Variants in TEX11 observed in about 807,000 individuals in gnomAD.
TEX11 encodes the protein testis expressed 11.
Under a neutral mutation model 84.4 loss-of-function variants are expected in TEX11, and 7 were observed. The observed-to-expected ratio is 0.08, with a 90% CI of 0.05 to 0.16. TEX11 has a LOEUF of 0.16. TEX11 is among the 10% of genes least tolerant of loss of function. The pLI is 1.00. For missense variants in TEX11, 551 were observed against 660.5 expected (o/e 0.83, Z 1.82); for synonymous variants, 264 against 222.8 (o/e 1.18, Z -1.64).
At chrX:70,739,304 G>A (rs189436806) in intron 11 of TEX11, among the ~76,000 whole-genome samples, 6 of 110,219 alleles carry the variant, frequency 5.4e-5, no homozygotes, top group African/African-American at 1.6e-4. Context: ...TCATTTTCAT[G>A]CTTCCACTCT....
At chrX:70,719,135 G>A (rs1053464617) in intron 13 of TEX11, among the ~76,000 whole-genome samples, 1 of 111,657 alleles carries the variant, frequency 9.0e-6, no homozygotes. Context: ...CAATAATCTC[G>A]GTTGAGGCCA....
At chrX:70,726,993 C>A (rs958980900) in intron 11 of TEX11, among the ~76,000 whole-genome samples, 2 of 111,427 alleles carry the variant, frequency 1.8e-5, no homozygotes, top group Admixed American at 9.6e-5. Flanking sequence ...ACTACCATGC[C>A]TGGCTCCCTT....
chrX:70,535,763 A>T (rs927797408), intron 28 of TEX11, among the ~76,000 whole-genome samples: 3 of 109,344 alleles, frequency 2.7e-5, no homozygotes, highest in African/African-American at 1.0e-4. Flanking sequence ...AAAACCCACA[A>T]AACTTATGGG....
At chrX:70,623,218 GT>G (rs1301719551) in intron 20 of TEX11, among the ~76,000 whole-genome samples, 1 of 111,892 alleles carries the variant, frequency 8.9e-6, no homozygotes, top group East Asian at 2.8e-4. Context: ...CTATTACAGA[GT>G]TCTTGTCTAA....
chrX:70,553,319 T>G lies in TEX11; in HGVS notation c.2386A>C (p.Ile796Leu), dbSNP rs781735348. Reference protein sequence around the residue: ...LLYKKEEPIDISQYSKCMHNL... With the variant: ...LLYKKEEPIDLSQYSKCMHNL... ...GTATTTACTAACCTGTATTGTGATA[T>G]ATCAATTGGTTCTTCCTTTTTGTAG... is the stretch of plus-strand genomic sequence containing the variant. The change falls in exon 27 of 30, where the codon ATA becomes CTA. Residue 796 changes from isoleucine (I) to leucine (L), a missense_variant. Physicochemically the swap from Ile to Leu is conservative, Grantham distance 5. Coordinates refer to ENST00000374333, the MANE Select transcript of TEX11 (RefSeq NM_031276.3). 8.4e-7 allele frequency: 1 copy of G among 1,194,701 alleles called. No homozygotes were observed. The highest frequency in any genetic ancestry group is 1.1e-6 in the Non-Finnish European group (1 of 882,247).
chrX:70,752,852 G>A (rs902016234), intron 9 of TEX11, among the ~76,000 whole-genome samples: 10 of 110,820 alleles, frequency 9.0e-5, no homozygotes, highest in Middle Eastern at 4.6e-3. Context: ...CCCTTTTCCC[G>A]TCCCCTGGCA....
chrX:70,678,752 A>ATTTTTTT, intron 15 of TEX11, 52 bp downstream of exon 15: 6 of 1,040,724 alleles, frequency 5.8e-6, no homozygotes, highest in African/African-American at 1.9e-5. Context: ...TGAATGCACT[A>ATTTTTTT]TTTTTTGTTG....
intron 28 of TEX11, among the ~76,000 whole-genome samples, chrX:70,549,436 A>C (rs1014352941): frequency 1.8e-5 from 2 of 111,625 alleles, no homozygotes; most frequent in African/African-American, 3.3e-5. Flanking sequence ...CAACTCAGCC[A>C]CAGTGGGTTA....
intron 15 of TEX11, among the ~76,000 whole-genome samples, chrX:70,671,853 T>C (rs1269096313): frequency 2.0e-5 from 2 of 98,909 alleles, no homozygotes; most frequent in Non-Finnish European, 4.0e-5. Context: ...TGAAACACTA[T>C]GAATATTTAA....
chrX:70,544,188 G>C (rs1396799292), intron 28 of TEX11, among the ~76,000 whole-genome samples: 1 of 111,619 alleles, frequency 9.0e-6, no homozygotes, highest in African/African-American at 3.3e-5. Flanking sequence ...GCTGCACTCA[G>C]TTTATTAAAG....
intron 9 of TEX11, among the ~76,000 whole-genome samples, chrX:70,772,323 C>T (rs1569436270): frequency 1.8e-5 from 2 of 111,540 alleles, no homozygotes; most frequent in Non-Finnish European, 3.8e-5. Flanking sequence ...ACCTATAATC[C>T]CAGCACTTTG....
the TEX11 span, among the ~76,000 whole-genome samples, chrX:70,512,597 T>C: frequency 9.2e-6 from 1 of 108,132 alleles, no homozygotes; most frequent in African/African-American, 3.4e-5. Context: ...CCACCCTCTA[T>C]CTTTAATATT....
At chrX:70,641,718 A>C in intron 17 of TEX11, among the ~76,000 whole-genome samples, 1 of 110,773 alleles carries the variant, frequency 9.0e-6, no homozygotes, top group Middle Eastern at 4.6e-3. Context: ...CTTTGAAACC[A>C]ACGAGAACAA....
At chrX:70,591,850 A>G in intron 24 of TEX11, 27 bp from the exon 25 acceptor site, 3 of 1,122,155 alleles carry the variant, frequency 2.7e-6, no homozygotes, top group Non-Finnish European at 3.6e-6. Context: ...CAACAAGTTA[A>G]TTAGTCCCAA....
intron 11 of TEX11, among the ~76,000 whole-genome samples, chrX:70,729,385 C>G (rs1270865565): frequency 2.7e-5 from 3 of 111,050 alleles, no homozygotes; most frequent in Non-Finnish European, 3.8e-5. Flanking sequence ...AGTTCGAACC[C>G]ACGGCAAAGA....
rs185698910 is a variant in TEX11 at position 70,694,015 on chromosome X, A to C, written c.1005-11190T>G. On this transcript the variant is annotated intron_variant, in intron 13 of 29. Coordinates refer to ENST00000374333, the MANE Select transcript of TEX11 (RefSeq NM_031276.3). ...GAACCTAAAATAAAAGTTAAAAAAAACCCCAAATATTGAAAGGAGCTTCAT... is the reference window on the plus strand; with the variant it reads ...GAACCTAAAATAAAAGTTAAAAAAACCCCCAAATATTGAAAGGAGCTTCAT... Among the ~76,000 whole-genome samples, 7 of 111,412 alleles carry C rather than the reference A, an allele frequency of 6.3e-5. No individual in the cohort carries two copies. In the East Asian group the frequency reaches 8.4e-4, roughly 13 times the overall value.
chrX:70,777,903 A>T (rs1159793577), intron 9 of TEX11, among the ~76,000 whole-genome samples: 1 of 112,040 alleles, frequency 8.9e-6, no homozygotes, highest in Admixed American at 9.5e-5. Context: ...TTACTTATCA[A>T]TAATTAATTT....
intron 2 of TEX11, among the ~76,000 whole-genome samples, chrX:70,897,259 G>A (rs182982763): frequency 1.4e-4 from 14 of 97,763 alleles, no homozygotes; most frequent in Admixed American, 7.5e-4. Flanking sequence ...GTAACTCTTG[G>A]TGATAGTGTT....
In TEX11 at chrX:70,694,744, G is replaced by C. The variant is rs745979119; in HGVS notation, c.1005-11919C>G. The stretch of plus-strand genomic sequence containing the variant: ...TAATTTATAAAGAAAAGTTTATTTA[G>C]CTCACAGTTTTAGTATGATAGCGTG... On this transcript the variant is annotated intron_variant, in intron 13 of 29. Transcript: ENST00000374333. Among the ~76,000 whole-genome samples the C allele has an allele frequency of 5.3e-5, 6 of 112,261 alleles. No homozygotes were observed. The South Asian group carries it at 2.2e-3, about 42-fold the overall frequency.
Sources: allele counts gnomAD v4.1 joint callset (sites outside exome capture counted in the v4.1 genomes callset), GRCh38; gene constraint gnomAD v4.1.1; transcripts MANE v1.5; gene names NCBI Gene and HGNC (gene_info 2026-07-23, HGNC 2026-07-21).